NRXN3: variants seen among roughly 807,000 people sequenced by gnomAD.
NRXN3 encodes the protein neurexin III.
Under a neutral mutation model 137.6 loss-of-function variants are expected in NRXN3, and 32 were observed. The ratio of observed to expected loss-of-function variants is 0.23; its 90% confidence interval spans 0.18 to 0.31. NRXN3 has a LOEUF of 0.31. Among genes scored for constraint, NRXN3 ranks in the 10% least tolerant of loss-of-function variants. NRXN3 has a pLI of 1.00. For synonymous variants in NRXN3, 798 were observed against 784.5 expected (o/e 1.02, Z -0.29); for missense variants, 1,574 against 2,062.5 (o/e 0.76, Z 4.59).
intron 8 of NRXN3, among the ~76,000 whole-genome samples, chr14:78,780,622 A>T (rs763410367): frequency 1.3e-5 from 2 of 152,324 alleles, no homozygotes; most frequent in Non-Finnish European, 2.9e-5. Context: ...AAATAACCCA[A>T]TGAAAAATGA....
intron 15 of NRXN3, among the ~76,000 whole-genome samples, chr14:79,367,483 A>G (rs2093940324): frequency 6.6e-6 from 1 of 152,220 alleles, no homozygotes. Flanking sequence ...CATGACAGAA[A>G]GCTTGCCTAG....
At chr14:79,349,471 G>C (rs1017161390) in intron 15 of NRXN3, among the ~76,000 whole-genome samples, 1 of 149,944 alleles carries the variant, frequency 6.7e-6, no homozygotes, top group Non-Finnish European at 1.5e-5. Flanking sequence ...AATACCTCTA[G>C]GTTTTTTATT....
chr14:79,772,574 A>G (rs2139833096), intron 19 of NRXN3, among the ~76,000 whole-genome samples: 1 of 152,378 alleles, frequency 6.6e-6, no homozygotes, highest in South Asian at 2.1e-4. Flanking sequence ...GGCTAGCCAT[A>G]TGTAGAAAGC....
chr14:78,926,013 A>G (rs1435236101), intron 10 of NRXN3, among the ~76,000 whole-genome samples: 2 of 152,224 alleles, frequency 1.3e-5, no homozygotes, highest in Admixed American at 6.5e-5. Context: ...TACAGTTGTT[A>G]TAATTCCCCT....
chr14:79,253,458 A>T (rs1184961331), intron 15 of NRXN3, among the ~76,000 whole-genome samples: 1 of 152,152 alleles, frequency 6.6e-6, no homozygotes, highest in African/African-American at 2.4e-5. Flanking sequence ...ACAGAAAATA[A>T]CTAGGGAGGG....
At chr14:79,702,864 G>A (rs1392972497) in intron 19 of NRXN3, among the ~76,000 whole-genome samples, 1 of 94,358 alleles carries the variant, frequency 1.1e-5, no homozygotes, top group Non-Finnish European at 2.1e-5. Flanking sequence ...CTTCCTTCAG[G>A]ATAGAAGGAA....
intron 15 of NRXN3, among the ~76,000 whole-genome samples, chr14:79,466,400 A>G (rs1482063627): frequency 6.6e-6 from 1 of 152,116 alleles, no homozygotes; most frequent in Non-Finnish European, 1.5e-5. Context: ...ATTCTGGCTA[A>G]CATGGTGAAA....
At chr14:78,297,788 C>G (rs1300813996) in intron 3 of NRXN3, 43 bp from the exon 4 acceptor site, 12 of 1,368,396 alleles carry the variant, frequency 8.8e-6, no homozygotes, top group Admixed American at 4.0e-5. Flanking sequence ...TTTCCTTACC[C>G]TTCCCCACTC....
intron 4 of NRXN3, among the ~76,000 whole-genome samples, chr14:78,567,295 G>A (rs1476365019): frequency 3.3e-5 from 5 of 152,208 alleles, no homozygotes; most frequent in Non-Finnish European, 4.4e-5. Context: ...TACATAGAAA[G>A]GTAGATAATA....
chr14:79,262,427 AGAG>A (rs2077753993), intron 15 of NRXN3, among the ~76,000 whole-genome samples: 1 of 151,038 alleles, frequency 6.6e-6, no homozygotes, highest in African/African-American at 2.4e-5. Flanking sequence ...GAAAAGGAGA[AGAG>A]GAAGGAGGAG....
At chr14:78,427,822 C>T (rs1321898715) in intron 4 of NRXN3, among the ~76,000 whole-genome samples, 1 of 152,206 alleles carries the variant, frequency 6.6e-6, no homozygotes, top group Non-Finnish European at 1.5e-5. Flanking sequence ...GATAATACAT[C>T]TTCCTTTTCC....
intron 16 of NRXN3, among the ~76,000 whole-genome samples, chr14:79,473,383 G>A (rs571192513): frequency 6.6e-6 from 1 of 152,100 alleles, no homozygotes; most frequent in African/African-American, 2.4e-5. Context: ...ATGATGAATG[G>A]TCTGTTCCTC....
At chr14:78,547,775 T>C (rs2096650560) in intron 4 of NRXN3, among the ~76,000 whole-genome samples, 1 of 148,150 alleles carries the variant, frequency 6.7e-6, no homozygotes, top group African/African-American at 2.5e-5. Flanking sequence ...TTAGTGATTG[T>C]TACTAGAGTT....
intron 10 of NRXN3, among the ~76,000 whole-genome samples, chr14:78,938,848 C>CTTTTTTTTTTT (rs1255540319): frequency 3.8e-5 from 5 of 132,020 alleles, no homozygotes; most frequent in Middle Eastern, 4.1e-3. Context: ...AGTGATTTTT[C>CTTTTTTTTTTT]TTTTTTTTTT....
Position 79,409,619 on chromosome 14 carries a change from A to G in NRXN3, c.3263-57602A>G, listed in dbSNP as rs201699781. ...CAAGTGTGTGTGTGTGTGTGTGTCT[A>G]TATATATATATATATATATATATAT... On this transcript the variant is annotated intron_variant, in intron 15 of 20. Transcript: ENST00000335750. Among the ~76,000 whole-genome samples, 57 of 37,128 alleles carry G rather than the reference A, an allele frequency of 1.5e-3. 1 individual carries two copies. In the Middle Eastern group the frequency reaches 0.05, roughly 33 times the overall value. The allele number at this position is 37,128 out of a possible 152,430, so 24.4% of individuals were successfully genotyped here.
intron 15 of NRXN3, among the ~76,000 whole-genome samples, chr14:79,040,168 C>A (rs1482394759): frequency 6.6e-6 from 1 of 152,200 alleles, no homozygotes; most frequent in African/African-American, 2.4e-5. Context: ...AAATGCCTGT[C>A]TGTCTTATCT....
rs188687229 is a variant in NRXN3 at position 78,323,063 on chromosome 14, T to A, written c.757+25203T>A. ...GGCTTGATGTTATAGGAGAGGAGAT[T>A]GACTGTATCTGATTAACTAGTATTT... On this transcript the variant is annotated intron_variant, in intron 4 of 20. Coordinates refer to ENST00000335750, the MANE Select transcript of NRXN3 (RefSeq NM_001330195.2). Among the ~76,000 whole-genome samples the A allele has an allele frequency of 5.3e-4, 81 of 152,186 alleles. 1 individual carries two copies. Among genetic ancestry groups the A allele is most frequent in the African/African-American group, 1.9e-3 (80 of 41,456 alleles).
At chr14:78,987,931 G>T in intron 14 of NRXN3, 91 bp from the exon 15 acceptor site, 1 of 1,402,220 alleles carries the variant, frequency 7.1e-7, no homozygotes, top group African/African-American at 1.4e-5. Context: ...GCATGAGAAT[G>T]GTAAATTCAG....
chr14:78,531,022 A>G (rs2096454732), intron 4 of NRXN3, among the ~76,000 whole-genome samples: 1 of 152,052 alleles, frequency 6.6e-6, no homozygotes, highest in Non-Finnish European at 1.5e-5. Context: ...CCCTACTTTC[A>G]TTTATTTTCT....
Sources: gnomAD v4.1 joint callset for allele counts (sites outside exome capture counted in the v4.1 genomes callset) on GRCh38, gnomAD v4.1.1 for gene constraint, MANE v1.5 for transcripts, NCBI Gene and HGNC (gene_info 2026-07-23, HGNC 2026-07-21) for gene names.